The following NOTCH3 variants were observed in gnomAD, a reference collection of about 807,000 sequenced individuals.
NOTCH3 encodes the protein notch receptor 3.
In NOTCH3, 86 loss-of-function variants were observed where a neutral mutation model predicts 213.3. That is an observed-to-expected ratio of 0.40 (90% CI 0.34 to 0.48). The LOEUF (loss-of-function observed/expected upper bound fraction) is 0.48. Ranked by LOEUF, NOTCH3 falls within the 20% of genes least tolerant of loss-of-function variation. NOTCH3 has a pLI of 0.57. For synonymous variants in NOTCH3, 1,354 were observed against 1,355.9 expected, an observed-to-expected ratio of 1.00 and a Z score of 0.03; for missense variants, 2,783 against 3,272.6, an observed-to-expected ratio of 0.85 and a Z score of 3.65.
chr19:15,169,466 T>C (rs2046713059), intron 28 of NOTCH3, among the ~76,000 whole-genome samples: 1 of 149,778 alleles, frequency 6.7e-6, no homozygotes, highest in Non-Finnish European at 1.5e-5. Flanking sequence ...GAGTGCCAGG[T>C]TCAAGGGATT....
intron 28 of NOTCH3, among the ~76,000 whole-genome samples, chr19:15,169,409 CT>C (rs528133159): frequency 1.9e-3 from 277 of 142,192 alleles, no homozygotes; most frequent in Middle Eastern, 3.6e-3. Context: ...TGCTGTGGGA[CT>C]TTTTTTTTTT....
Position 15,197,679 on chromosome 19 carries a change from T to C in NOTCH3, c.119-101A>G, listed in dbSNP as rs537434899. 457 of 921,556 alleles carry C rather than the reference T, an allele frequency of 5.0e-4. 3 individuals carry two copies. The East Asian group carries it at 0.01, about 21-fold the overall frequency. The allele number at this position is 921,556 out of a possible 1,614,324, so 57.1% of individuals were successfully genotyped here. A position where few individuals can be genotyped will look rare whatever the true frequency, so the allele number is the denominator to read the frequency against. ...CTCCCTCCACCAGGCAACAGCTGCA[T>C]GGGGATGGGGGCGTCTCTGCGGGTG... On this transcript the variant is annotated intron_variant, in intron 1 of 32. Transcript: ENST00000263388.
rs2145427762 is a variant in NOTCH3 at position 15,184,394 on chromosome 19, G to A, written c.2467C>T (p.His823Tyr). The A allele has an allele frequency of 1.2e-6, 2 of 1,613,888 alleles. No homozygotes were observed. The highest frequency in any genetic ancestry group is 1.7e-6 in the Non-Finnish European group (2 of 1,179,938). ...CCTGCCAGGTTGGTGCAGATACCAT[G>A]AGGGCCACAGGGTGCGGGGCCAGCA... ...ECAGPAPCGP[H>Y]GICTNLAGSF... is the part of the protein sequence containing the mutation. Residue 823 changes from histidine to tyrosine, a missense_variant, in exon 16 of 33, where the codon CAT becomes TAT. His to Tyr is a moderately conservative substitution (Grantham distance 83). This residue lies in a region of NOTCH3 where 861 missense variants were observed against 909.1 expected (regional missense o/e 0.95). Coordinates refer to ENST00000263388, the MANE Select transcript of NOTCH3 (RefSeq NM_000435.3).
rs774326191 is a variant in NOTCH3 at position 15,180,832 on chromosome 19, G to A, written c.2995-4C>T. The A allele has an allele frequency of 1.3e-5, 21 of 1,612,490 alleles. No individual in the cohort carries two copies. Among genetic ancestry groups the A allele is most frequent in the Non-Finnish European group, 1.8e-5 (21 of 1,179,590 alleles). On this transcript the variant is annotated splice_polypyrimidine_tract_variant and splice_region_variant and intron_variant, in intron 18 of 32. Transcript: ENST00000263388. ...GGCTGCACCAATCCACCAGCGTCTG[G>A]AGGGGAAGCACTCAGAGTCAGTACT...
Position 15,174,406 on chromosome 19 carries a change from G to A in NOTCH3, c.4404-6C>T, listed in dbSNP as rs1157189739. ...AGTACTTCTCGTACACCGGGCTGGT[G>A]GGGAAGGGTGAGGCAGAGAGGGGCG... On this transcript the variant is annotated splice_polypyrimidine_tract_variant and splice_region_variant and intron_variant, in intron 24 of 32. Transcript: ENST00000263388. 3 of 1,514,250 alleles carry A rather than the reference G, an allele frequency of 2.0e-6. No individual in the cohort carries two copies. In the African/African-American group the frequency reaches 4.1e-5, roughly 21 times the overall value. 93.8% of individuals were successfully genotyped at this position (1,514,250 alleles called of 1,614,324 possible).
chr19:15,177,354 G>T (rs1245721025), intron 24 of NOTCH3, among the ~76,000 whole-genome samples, 171 bp downstream of exon 24: 3 of 152,170 alleles, frequency 2.0e-5, no homozygotes, highest in African/African-American at 4.8e-5. Context: ...CAGAGCACAT[G>T]GATGAACAGA....
intron 4 of NOTCH3, 38 bp downstream of exon 4, chr19:15,191,922 G>T: frequency 6.2e-7 from 1 of 1,613,634 alleles, no homozygotes; most frequent in South Asian, 1.1e-5. Context: ...CTGTCCCCAC[G>T]CCCACCCCTC....
Position 15,193,427 on chromosome 19 carries a change from G to A in NOTCH3, c.198-908C>T, listed in dbSNP as rs1417886588. Among the ~76,000 whole-genome samples the A allele has an allele frequency of 2.0e-5, 3 of 152,010 alleles. No individual in the cohort carries two copies. The East Asian group carries it at 5.8e-4, about 29-fold the overall frequency. On this transcript the variant is annotated intron_variant, in intron 2 of 32. Coordinates refer to ENST00000263388, the MANE Select transcript of NOTCH3 (RefSeq NM_000435.3). ...ATGCAGATGTAATTAAATGAGAGAT[G>A]TCAAGATGAGATTATTCTGAATTAT...
At chr19:15,169,192 CTCTCTCTCTCTCTCTCTCT>C (rs2145397629) in intron 28 of NOTCH3, among the ~76,000 whole-genome samples, 1 of 2,780 alleles carries the variant, frequency 3.6e-4, no homozygotes, top group African/African-American at 1.3e-3. Flanking sequence ...ATCTGTCTCT[CTCTCTCTCTCTCTCTCTCT>C]CTCTCTCTCT....
intron 24 of NOTCH3, among the ~76,000 whole-genome samples, chr19:15,175,553 AT>A (rs1464703106): frequency 0.015 from 523 of 34,820 alleles, 7 homozygotes; most frequent in African/African-American, 0.033. Context: ...AAAAAAAAAA[AT>A]ACATATATAT....
intron 17 of NOTCH3, 37 bp downstream of exon 17, chr19:15,181,539 C>T (rs763943963): frequency 6.6e-7 from 1 of 1,525,860 alleles, no homozygotes; most frequent in Non-Finnish European, 8.9e-7. Flanking sequence ...CCATCCCAAG[C>T]CAGAGTCCCT....
rs745672629 is a variant in NOTCH3 at position 15,187,212 on chromosome 19, C to T, written c.1733G>A (p.Arg578His). 16 of 1,614,082 alleles carry T rather than the reference C, an allele frequency of 9.9e-6. No individual in the cohort carries two copies. The highest frequency in any genetic ancestry group is 2.2e-5 in the East Asian group (1 of 44,880). ...CACAPGYTGT[R>H]CESQVDECRS... ...GCATTCGTCCACCTGGCTCTCGCAG[C>T]GTGTGCCCGTGTAGCCAGGAGCACA... Residue 578 changes from arginine to histidine, a missense_variant, in exon 11 of 33, where the codon CGC becomes CAC. By Grantham distance (29) the Arg-to-His change is conservative. Transcript: ENST00000263388.
At chr19:15,197,782 C>T (rs1188787157) in intron 1 of NOTCH3, among the ~76,000 whole-genome samples, 1 of 134,300 alleles carries the variant, frequency 7.4e-6, no homozygotes, top group Non-Finnish European at 1.6e-5. Flanking sequence ...TGCAGCTGTC[C>T]CTGCCAGCTC....
intron 28 of NOTCH3, among the ~76,000 whole-genome samples, chr19:15,169,551 A>C (rs1259247538): frequency 1.3e-5 from 2 of 151,976 alleles, no homozygotes; most frequent in Non-Finnish European, 2.9e-5. Context: ...TTGTATTTTT[A>C]GTACAGACGG....
In NOTCH3 at chr19:15,179,114, C is replaced by T. The variant is rs35031555; in HGVS notation, c.3629G>A (p.Arg1210His). 9.9e-5 allele frequency: 160 copies of T among 1,614,170 alleles called. 1 individual carries two copies. The African/African-American group carries it at 1.7e-3, about 17-fold the overall frequency. The change falls in exon 22 of 33, where the codon CGC (arginine) becomes CAC (histidine). Residue 1210 changes from arginine (R) to histidine (H), a missense_variant. Transcript: ENST00000263388. ...GTGTGCCGCGTGGCAGGCACCTGAG[C>T]GACACTCATTGATGTCTGCCTCGCA... ...LRCEADINEC[R>H]SGACHAAHTR...
At position 15,186,903 on chromosome 19, in the gene NOTCH3, G is replaced by C. The variant is rs774265560; in HGVS notation, c.1926C>G (p.Asp642Glu). Residue 642 changes from aspartate (D) to glutamate (E), a missense_variant, in exon 12 of 33, where the codon GAC becomes GAG. Physicochemically the swap from Asp to Glu is conservative, Grantham distance 45 (BLOSUM62 2). Around this residue, in one of 6 missense-constraint regions of NOTCH3, gnomAD observed 708 missense variants for 906.6 expected, o/e 0.78. Transcript: ENST00000263388. ...CTGTGAAGCCAGGTTGGCAGACACA[G>C]TCGTAGCGGTTGATGCCATCACGGC... Reference protein sequence around the residue: ...GVCRDGINRYDCVCQPGFTGP... With the variant: ...GVCRDGINRYECVCQPGFTGP... 1 of 1,614,074 alleles carries C rather than the reference G, an allele frequency of 6.2e-7. No homozygotes were observed. The highest frequency in any genetic ancestry group is 8.5e-7 in the Non-Finnish European group (1 of 1,180,036).
chr19:15,187,873 C>T lies in NOTCH3; in HGVS notation c.1606+8G>A, dbSNP rs1387387970. On this transcript the variant is annotated splice_region_variant and intron_variant, in intron 10 of 32. Coordinates refer to ENST00000263388, the MANE Select transcript of NOTCH3 (RefSeq NM_000435.3). ...GATTCTTGTCGGACTGTCATTGGCC[C>T]GCCTCACCCTCGGCACAGCGGCACT... 7.8e-6 allele frequency: 12 copies of T among 1,546,466 alleles called. No homozygotes were observed. Among genetic ancestry groups the T allele is most frequent in the South Asian group, 6.0e-5 (5 of 83,918 alleles).
At chr19:15,198,082 G>A (rs1356122309) in intron 1 of NOTCH3, among the ~76,000 whole-genome samples, 25 of 152,206 alleles carry the variant, frequency 1.6e-4, no homozygotes, top group Admixed American at 1.6e-3. Context: ...ACCAAGGCAT[G>A]TACCCACGAG....
At chr19:15,168,664 T>C (rs1347665783) in intron 28 of NOTCH3, among the ~76,000 whole-genome samples, 2 of 151,928 alleles carry the variant, frequency 1.3e-5, no homozygotes, top group African/African-American at 4.8e-5. Context: ...TGAAACCCCA[T>C]CTCTACTAAA....
Sources: allele counts gnomAD v4.1 joint callset (sites outside exome capture counted in the v4.1 genomes callset), GRCh38; gene constraint gnomAD v4.1.1; regional missense constraint gnomAD v4.1.1; transcripts MANE v1.5; gene names NCBI Gene and HGNC (gene_info 2026-07-23, HGNC 2026-07-21).